PABPC4: variants seen among roughly 807,000 people sequenced by gnomAD.
PABPC4 encodes the protein poly(A) binding protein cytoplasmic 4.
Under a neutral mutation model 74.5 loss-of-function variants are expected in PABPC4, and 15 were observed. The ratio of observed to expected loss-of-function variants is 0.20; its 90% CI spans 0.13 to 0.31. The LOEUF (loss-of-function observed/expected upper bound fraction) is 0.31. PABPC4 is among the 10% of genes least tolerant of loss of function. PABPC4 has a pLI of 1.00. For synonymous variants in PABPC4, 345 were observed against 303.0 expected (o/e 1.14, Z -1.44); for missense variants, 610 against 853.5 (o/e 0.71, Z 3.55).
rs748191708 is a variant in PABPC4 at position 39,568,809 on chromosome 1, C to T, written c.869G>A (p.Arg290Gln). The T allele has an allele frequency of 3.1e-6, 5 of 1,613,136 alleles. No homozygotes were observed. The highest frequency in any genetic ancestry group is 3.3e-5 in the Admixed American group (2 of 59,776). ...GGGCCAAGACCACCTTACCTGATAT[C>T]GACTAATTCTCTCCTGTTTCAACTG... ...FEQLKQERIS[R>Q]YQGVNLYIKN... The change falls in exon 6 of 16, where the codon CGA becomes CAA. Residue 290 changes from arginine (R) to glutamine (Q), a missense_variant. By Grantham distance (43) the Arg-to-Gln change is conservative. Around this residue, in one of 4 missense-constraint regions of PABPC4, gnomAD observed 304 missense variants for 478.9 expected, o/e 0.63. Transcript: ENST00000372858.
intron 6 of PABPC4, 188 bp downstream of exon 6, chr1:39,568,614 T>C (rs1034915946): frequency 6.2e-5 from 31 of 499,994 alleles, no homozygotes; most frequent in Admixed American, 1.9e-4. Flanking sequence ...AACCCATCTC[T>C]TGTTTCTGGT....
chr1:39,569,544 A>G lies in PABPC4; in HGVS notation c.738+51T>C, dbSNP rs547686647. The G allele has an allele frequency of 2.6e-5, 36 of 1,373,864 alleles. No individual in the cohort carries two copies. The Admixed American group carries it at 2.8e-4, about 11-fold the overall frequency. The allele number at this position is 1,373,864 out of a possible 1,614,324, so 85.1% of individuals were successfully genotyped here. Reference sequence around the variant, plus strand: ...TAGGTGCTAGCAAGACCCTACCCATACTCTGGGGCAACCTCTTAAAAGCTT... The same window carrying G: ...TAGGTGCTAGCAAGACCCTACCCATGCTCTGGGGCAACCTCTTAAAAGCTT... On this transcript the variant is annotated intron_variant, in intron 5 of 15. Coordinates refer to ENST00000372858, the MANE Select transcript of PABPC4 (RefSeq NM_001135653.2).
intron 15 of PABPC4, chr1:39,561,375 C>G (rs1645766946): frequency 2.8e-6 from 1 of 357,712 alleles, no homozygotes; most frequent in Non-Finnish European, 5.4e-6. Context: ...GTCAACCCTC[C>G]CAACACACCA....
rs1176115378 is a variant in PABPC4 at position 39,576,106 on chromosome 1, G to C, written c.-155C>G. 19 of 539,798 alleles carry C rather than the reference G, an allele frequency of 3.5e-5. No homozygotes were observed. Among genetic ancestry groups the C allele is most frequent in the East Asian group, 6.8e-5 (2 of 29,398 alleles). 33.4% of individuals were successfully genotyped at this position (539,798 alleles called of 1,614,324 possible). A position where few individuals can be genotyped will look rare whatever the true frequency, so the allele number is the denominator to read the frequency against. ...AGCTGGAGTCGGCGGGCTTGGAGACGGGACGGAAACGGGAGGCGGGGGCCG... is the reference window on the plus strand; with the variant it reads ...AGCTGGAGTCGGCGGGCTTGGAGACCGGACGGAAACGGGAGGCGGGGGCCG... On this transcript the variant is annotated 5_prime_UTR_variant, in exon 1 of 16. Coordinates refer to ENST00000372858, the MANE Select transcript of PABPC4 (RefSeq NM_001135653.2).
At position 39,575,756 on chromosome 1, in the gene PABPC4, C is replaced by A; in HGVS notation, c.193+3G>T. 1 of 1,587,752 alleles carries A rather than the reference C, an allele frequency of 6.3e-7. No homozygotes were observed. Among genetic ancestry groups the A allele is most frequent in the East Asian group, 2.4e-5 (1 of 42,494 alleles). On this transcript the variant is annotated splice_donor_region_variant and intron_variant, in intron 1 of 15. Transcript: ENST00000372858. ...CGCACGTGTGGGCACAGCTTCTACT[C>A]ACCGTCGGCCGGCTGCTGGAAGTTG...
At chr1:39,572,962 G>T (rs1476527631) in intron 1 of PABPC4, 1 of 178,584 alleles carries the variant, frequency 5.6e-6, no homozygotes, top group Non-Finnish European at 1.2e-5. Context: ...CATGACTCAG[G>T]TGGGACAGCT....
intron 7 of PABPC4, among the ~76,000 whole-genome samples, chr1:39,565,825 CTCCAA>C (rs1235736172): frequency 7.2e-6 from 1 of 139,188 alleles, no homozygotes; most frequent in African/African-American, 2.8e-5. Context: ...GAGACTCCAT[CTCCAA>C]AACAAAACAA....
Position 39,576,289 on chromosome 1 carries a change from A to C in PABPC4, c.-338T>G. On this transcript the variant is annotated 5_prime_UTR_variant, in exon 1 of 16. It adds an upstream start codon to the 5' untranslated region. Transcript: ENST00000372858. ...GGGGAATCCCCTTCCGAAGGGTAAA[A>C]ATCCTTTAAGAGGCGACCGGACGCT... The C allele has an allele frequency of 4.6e-6, 1 of 218,098 alleles. No individual in the cohort carries two copies. Among genetic ancestry groups the C allele is most frequent in the East Asian group, 9.4e-5 (1 of 10,640 alleles). The allele number at this position is 218,098 out of a possible 1,614,324, so 13.5% of individuals were successfully genotyped here. A position where few individuals can be genotyped will look rare whatever the true frequency, so the allele number is the denominator to read the frequency against.
chr1:39,564,163 G>C, intron 10 of PABPC4: 1 of 614,944 alleles, frequency 1.6e-6, no homozygotes, highest in Non-Finnish European at 2.8e-6. Context: ...AGCTGCCTCT[G>C]TGGTCATCCA....
intron 2 of PABPC4, chr1:39,571,735 T>C (rs1489342754): frequency 7.5e-6 from 3 of 399,990 alleles, no homozygotes; most frequent in Non-Finnish European, 1.5e-5. Flanking sequence ...TAAATGAGTG[T>C]GGTGGCACGT....
intron 14 of PABPC4, 73 bp downstream of exon 14, chr1:39,562,000 C>T: frequency 3.2e-6 from 5 of 1,543,302 alleles, no homozygotes. Flanking sequence ...TTCTGCTGCA[C>T]CTGGGCATCC....
chr1:39,568,966 A>C (rs771793029), intron 5 of PABPC4, 27 bp from the exon 6 acceptor site: 1 of 1,597,766 alleles, frequency 6.3e-7, no homozygotes, highest in Non-Finnish European at 8.5e-7. Context: ...TGTCTTTAAA[A>C]TAAAGTTGCA....
At chr1:39,573,713 G>A (rs920333495) in intron 1 of PABPC4, among the ~76,000 whole-genome samples, 17 of 152,178 alleles carry the variant, frequency 1.1e-4, no homozygotes, top group Admixed American at 9.8e-4. Flanking sequence ...CAGCTACTCA[G>A]GAGACTGAGG....
At position 39,565,294 on chromosome 1, in the gene PABPC4, T is replaced by C. The variant is rs773445572; in HGVS notation, c.1057A>G (p.Met353Val). The change falls in exon 8 of 16, where the codon ATG becomes GTG. Residue 353 changes from methionine to valine, a missense_variant. Transcript: ENST00000372858. ...TTGGAGCCCACAATGCGTCCATTCA[T>C]CTCAGTGACTGCTTTGGTTGCTTCT... is the stretch of plus-strand genomic sequence containing the variant. ...PEEATKAVTE[M>V]NGRIVGSKPL... 6 of 1,614,078 alleles carry C rather than the reference T, an allele frequency of 3.7e-6. No individual in the cohort carries two copies. Among genetic ancestry groups the C allele is most frequent in the Non-Finnish European group, 5.1e-6 (6 of 1,180,050 alleles).
In PABPC4 at chr1:39,564,703, T is replaced by C. The variant is rs1645810366; in HGVS notation, c.1316A>G (p.Gln439Arg). 6.2e-7 allele frequency: 1 copy of C among 1,614,110 alleles called. No individual in the cohort carries two copies. Among genetic ancestry groups the C allele is most frequent in the Non-Finnish European group, 8.5e-7 (1 of 1,179,984 alleles). ...AQMRPNPRWQ[Q>R]GGRPQGFQGM... Reference sequence around the variant, plus strand: ...CCACCTACCTTGAGGTCTCCCACCTTGCTGCCAGCGTGGATTAGGCCTCAT... The same window carrying C: ...CCACCTACCTTGAGGTCTCCCACCTCGCTGCCAGCGTGGATTAGGCCTCAT... Residue 439 changes from glutamine (Q) to arginine (R), a missense_variant, in exon 9 of 16, where the codon CAA becomes CGA. Around this residue, in one of 4 missense-constraint regions of PABPC4, gnomAD observed 277 missense variants for 301.8 expected, o/e 0.92. Coordinates refer to ENST00000372858, the MANE Select transcript of PABPC4 (RefSeq NM_001135653.2).
At position 39,568,909 on chromosome 1, in the gene PABPC4, T is replaced by G; in HGVS notation, c.769A>C (p.Ser257Arg). 6.2e-7 allele frequency: 1 copy of G among 1,613,872 alleles called. No individual in the cohort carries two copies. The change falls in exon 6 of 16, where the codon AGT becomes CGT. Residue 257 changes from serine to arginine, a missense_variant. Physicochemically the swap from Ser to Arg is moderately radical, Grantham distance 110. Coordinates refer to ENST00000372858, the MANE Select transcript of PABPC4 (RefSeq NM_001135653.2). ...AVEEMNGKEI[S>R]GKIIFVGRAQ... The stretch of plus-strand genomic sequence containing the variant: ...CGGCCTACAAATATGATTTTACCAC[T>G]TATTTCTTTTCCATTCATCTCTTCC...
chr1:39,568,638 G>A, intron 6 of PABPC4, 164 bp downstream of exon 6: 2 of 623,674 alleles, frequency 3.2e-6, no homozygotes, highest in Non-Finnish European at 2.8e-6. Flanking sequence ...ATAATAATCA[G>A]TCATATGTAG....
chr1:39,564,006 A>G, intron 10 of PABPC4, 84 bp from the exon 11 acceptor site: 1 of 1,267,882 alleles, frequency 7.9e-7, no homozygotes, highest in Non-Finnish European at 1.1e-6. Context: ...ATTTCAAAGC[A>G]CGTTTACGCA....
chr1:39,565,947 GA>G (rs1178566106), intron 7 of PABPC4, among the ~76,000 whole-genome samples: 2 of 152,142 alleles, frequency 1.3e-5, no homozygotes, highest in African/African-American at 4.8e-5. Context: ...GGTGGGGAGG[GA>G]ACTATTCAGA....
Sources: allele counts gnomAD v4.1 joint callset (sites outside exome capture counted in the v4.1 genomes callset), GRCh38; gene constraint gnomAD v4.1.1; regional missense constraint gnomAD v4.1.1; transcripts MANE v1.5; gene names NCBI Gene and HGNC (gene_info 2026-07-23, HGNC 2026-07-21).